Variants in ZNF626 observed in about 807,000 individuals in gnomAD.
ZNF626 encodes the protein CTC-513N18.7.
Under a neutral mutation model 11.7 loss-of-function variants are expected in ZNF626, and 4 were observed. The observed-to-expected ratio is 0.34, with a 90% CI of 0.17 to 0.78. The LOEUF (loss-of-function observed/expected upper bound fraction) is 0.78. Ranked by LOEUF, ZNF626 falls within the 30% of genes least tolerant of loss-of-function variation. ZNF626 has a pLI of 0.57. For synonymous variants in ZNF626, 179 were observed against 198.6 expected, an observed-to-expected ratio of 0.90 and a Z score of 0.83; for missense variants, 588 against 587.1, an observed-to-expected ratio of 1.00 and a Z score of -0.01.
intron 1 of ZNF626, among the ~76,000 whole-genome samples, chr19:20,658,249 A>T (rs1203550398): frequency 1.3e-5 from 2 of 152,116 alleles, no homozygotes; most frequent in African/African-American, 4.8e-5. Flanking sequence ...TATAACCGGG[A>T]GGTCCAGAAC....
chr19:20,645,388 G>A (rs1555771801), intron 3 of ZNF626: 11 of 1,603,954 alleles, frequency 6.9e-6, no homozygotes, highest in Non-Finnish European at 6.8e-6. Flanking sequence ...GCCACACTGT[G>A]CAGTCTCTTA....
intron 1 of ZNF626, among the ~76,000 whole-genome samples, chr19:20,660,154 TG>T (rs1184698183): frequency 7.0e-6 from 1 of 143,654 alleles, no homozygotes; most frequent in Non-Finnish European, 1.5e-5. Flanking sequence ...CAGCTACTGG[TG>T]GGGCTGAGGT....
At chr19:20,626,523 G>C (rs1053506350) in intron 3 of ZNF626, among the ~76,000 whole-genome samples, 4 of 152,132 alleles carry the variant, frequency 2.6e-5, no homozygotes, top group Non-Finnish European at 5.9e-5. Context: ...TTTGAGACCA[G>C]CCTGGCCAAC....
chr19:20,641,321 G>C (rs1970022604), intron 3 of ZNF626, among the ~76,000 whole-genome samples: 1 of 151,906 alleles, frequency 6.6e-6, no homozygotes. Flanking sequence ...AAACAATCTT[G>C]TCACATTTTA....
intron 3 of ZNF626, among the ~76,000 whole-genome samples, chr19:20,638,740 A>G (rs549067504): frequency 6.6e-6 from 1 of 152,204 alleles, no homozygotes; most frequent in South Asian, 2.1e-4. Flanking sequence ...TTATCTTTCT[A>G]TATGTATATG....
intron 1 of ZNF626, among the ~76,000 whole-genome samples, chr19:20,659,571 G>A (rs1970241953): frequency 6.6e-6 from 1 of 151,982 alleles, no homozygotes; most frequent in Admixed American, 6.6e-5. Context: ...CTTTACTTAA[G>A]TTTATCTCCA....
rs1969781737 is a variant in ZNF626, at chr19:20,623,598, A to G, written c.*692T>C. ...TGGATCATGTGAGGTCAGGGGTTGG[A>G]TACCAGCCTGACAAACATGGTGTAA... On this transcript the variant is annotated 3_prime_UTR_variant, in exon 4 of 4. Coordinates refer to ENST00000601440, the MANE Select transcript of ZNF626 (RefSeq NM_001076675.3). The G allele has an allele frequency of 6.0e-6, 1 of 165,378 alleles. No individual in the cohort carries two copies. Among genetic ancestry groups the G allele is most frequent in the Non-Finnish European group, 1.3e-5 (1 of 75,834 alleles). The allele number at this position is 165,378 out of a possible 1,614,324, so 10.2% of individuals were successfully genotyped here.
intron 3 of ZNF626, among the ~76,000 whole-genome samples, chr19:20,637,270 A>T (rs1969976734): frequency 1.3e-5 from 2 of 152,070 alleles, no homozygotes; most frequent in Admixed American, 6.6e-5. Flanking sequence ...GGGAATCACA[A>T]GGCCAGGACT....
intron 1 of ZNF626, among the ~76,000 whole-genome samples, chr19:20,657,948 G>A (rs868918478): frequency 6.6e-6 from 1 of 152,106 alleles, no homozygotes; most frequent in Non-Finnish European, 1.5e-5. Flanking sequence ...CCTAGTTGAG[G>A]GGGGAGGGTG....
intron 3 of ZNF626, among the ~76,000 whole-genome samples, chr19:20,641,904 C>A (rs1257041804): frequency 7.2e-6 from 1 of 139,812 alleles, no homozygotes; most frequent in Non-Finnish European, 1.5e-5. Context: ...TGTTATGTTA[C>A]GTGTTTTTAA....
Position 20,645,899 on chromosome 19 carries a change from G to A in ZNF626, c.131-120C>T, listed in dbSNP as rs115810576. The A allele has an allele frequency of 2.4e-3, 1,708 of 702,026 alleles. 16 individuals carry two copies. In the African/African-American group the frequency reaches 0.029, roughly 12 times the overall value. The allele number at this position is 702,026 out of a possible 1,614,324, so 43.5% of individuals were successfully genotyped here. Reference sequence around the variant, plus strand: ...TAGTAAATTAATACAAAAATACTAAGTTGTAACAGAAATTTTTAAATAATT... The same window carrying A: ...TAGTAAATTAATACAAAAATACTAAATTGTAACAGAAATTTTTAAATAATT... On this transcript the variant is annotated intron_variant, in intron 2 of 3. Transcript: ENST00000601440.
intron 3 of ZNF626, among the ~76,000 whole-genome samples, chr19:20,632,315 C>T (rs1381681307): frequency 4.6e-5 from 7 of 152,130 alleles, no homozygotes; most frequent in African/African-American, 1.7e-4. Context: ...CTCTGTATTT[C>T]CTGATTTGAA....
chr19:20,625,826 A>G (rs1196875972), intron 3 of ZNF626, among the ~76,000 whole-genome samples, 176 bp from the exon 4 acceptor site: 1 of 126,910 alleles, frequency 7.9e-6, no homozygotes, highest in Non-Finnish European at 1.7e-5. Context: ...ACTGATCAAA[A>G]TACATTTGTA....
chr19:20,645,200 T>G (rs1970061943), intron 3 of ZNF626: 1 of 1,176,910 alleles, frequency 8.5e-7, no homozygotes, highest in African/African-American at 1.6e-5. Context: ...ACTATATATT[T>G]CAAGCCTAGA....
chr19:20,623,813 AAAAAG>A lies in ZNF626; in HGVS notation c.*472_*476del, dbSNP rs1427452052. ...GAAACTCCATCTCAAAAAAAAAAAA[AAAAAG>A]ACAGAACTTGTTATATGCTTTGCCA... On this transcript the variant is annotated 3_prime_UTR_variant, in exon 4 of 4. Transcript: ENST00000601440. The A allele has an allele frequency of 3.7e-6, 1 of 267,014 alleles. No individual in the cohort carries two copies. Among genetic ancestry groups the A allele is most frequent in the Non-Finnish European group, 7.3e-6 (1 of 136,710 alleles). The allele number at this position is 267,014 out of a possible 1,614,324, so 16.5% of individuals were successfully genotyped here.
chr19:20,658,266 T>A (rs374817196), intron 1 of ZNF626, among the ~76,000 whole-genome samples: 2 of 151,948 alleles, frequency 1.3e-5, no homozygotes, highest in African/African-American at 4.8e-5. Context: ...GAACCTTAGG[T>A]TGGTGGAAAA....
intron 1 of ZNF626, among the ~76,000 whole-genome samples, chr19:20,649,217 A>T (rs1555772279): frequency 6.6e-6 from 1 of 152,176 alleles, no homozygotes; most frequent in Non-Finnish European, 1.5e-5. Context: ...TGTCAGTACC[A>T]CATGTTTACC....
rs553256902 is a variant in ZNF626 at position 20,622,856 on chromosome 19, C to T, written c.*1434G>A. 3 of 151,208 alleles carry T rather than the reference C, an allele frequency of 2.0e-5. No individual in the cohort carries two copies. The highest frequency in any genetic ancestry group is 1.3e-4 in the Admixed American group (2 of 15,176). 9.4% of individuals were successfully genotyped at this position (151,208 alleles called of 1,614,324 possible). On this transcript the variant is annotated 3_prime_UTR_variant, in exon 4 of 4. Coordinates refer to ENST00000601440, the MANE Select transcript of ZNF626 (RefSeq NM_001076675.3). The stretch of plus-strand genomic sequence containing the variant: ...TATTTTTTCATGTTTACTGCATCTG[C>T]AAAAATATATTTTAGTATAAACTCT...
At position 20,621,845 on chromosome 19, in the gene ZNF626, A is replaced by G. The variant is rs12151043; in HGVS notation, c.*2445T>C. The G allele has an allele frequency of 0.11, 16,055 of 152,232 alleles. 886 individuals are homozygous for G. Among genetic ancestry groups the G allele is most frequent in the South Asian group, 0.12 (596 of 4,822 alleles). 9.4% of individuals were successfully genotyped at this position (152,232 alleles called of 1,614,324 possible). A position where few individuals can be genotyped will look rare whatever the true frequency, so the allele number is the denominator to read the frequency against. ...GGCCGGATAGGTTAAAGTTAGTGGC[A>G]TAATAATGCTTCATTAAATGCACAA... On this transcript the variant is annotated 3_prime_UTR_variant, in exon 4 of 4. Coordinates refer to ENST00000601440, the MANE Select transcript of ZNF626 (RefSeq NM_001076675.3).
Sources: gnomAD v4.1 joint callset for allele counts (sites outside exome capture counted in the v4.1 genomes callset) on GRCh38, gnomAD v4.1.1 for gene constraint, MANE v1.5 for transcripts, NCBI Gene and HGNC (gene_info 2026-07-23, HGNC 2026-07-21) for gene names.